Variants in GSE1 observed in about 807,000 individuals in gnomAD.
The protein encoded by GSE1 is genetic suppressor element 1.
In GSE1, 32 loss-of-function variants were observed where a neutral mutation model predicts 112.6. That is an observed-to-expected ratio of 0.28 (90% CI 0.21 to 0.38). The LOEUF (loss-of-function observed/expected upper bound fraction) is 0.38. Ranked by LOEUF, GSE1 falls within the 10% of genes least tolerant of loss-of-function variation. GSE1 has a pLI of 1.00. For missense variants in GSE1, 2,348 were observed against 1,699.2 expected (o/e 1.38, Z -6.71); for synonymous variants, 1,115 against 735.6 (o/e 1.52, Z -8.35).
intron 1 of GSE1, among the ~76,000 whole-genome samples, chr16:85,255,869 G>A (rs550017656): frequency 1.2e-3 from 176 of 151,810 alleles, no homozygotes; most frequent in Non-Finnish European, 3.7e-4. Flanking sequence ...TTAAATTTTT[G>A]TAGAGATGGG....
intron 1 of GSE1, among the ~76,000 whole-genome samples, chr16:85,188,969 G>C (rs932323166): frequency 1.3e-5 from 2 of 152,122 alleles, no homozygotes; most frequent in Non-Finnish European, 2.9e-5. Flanking sequence ...GCTTTTATCA[G>C]ACTTGCTGTG....
intron 2 of GSE1, among the ~76,000 whole-genome samples, chr16:85,492,546 G>A (rs190115107): frequency 6.6e-6 from 1 of 152,326 alleles, no homozygotes; most frequent in East Asian, 1.9e-4. Flanking sequence ...ATGAGGGGAG[G>A]TACTTTCATA....
chr16:85,604,763 A>ATATATATATATATATATATATATATATAT, intron 1 of GSE1, among the ~76,000 whole-genome samples: 1 of 5,972 alleles, frequency 1.7e-4, no homozygotes, highest in Non-Finnish European at 2.9e-4. Flanking sequence ...AAAAAAAAAA[A>ATATATATATATATATATATATATATATAT]AAAAAAAAAA....
chr16:85,174,159 GT>G lies in GSE1; in HGVS notation c.2283+2354del, dbSNP rs533940148. On this transcript the variant is annotated intron_variant, in intron 1 of 2. Transcript: ENST00000637419. ...ACAGGCCCAGAAGCAGGGGTGACCT[GT>G]TCAGCCTCCGTGGGCGGGAGGTGCC... Among the ~76,000 whole-genome samples, 35 of 152,314 alleles carry G rather than the reference GT, an allele frequency of 2.3e-4. No homozygotes were observed. In the East Asian group the frequency reaches 6.4e-3, roughly 28 times the overall value.
intron 1 of GSE1, among the ~76,000 whole-genome samples, chr16:85,563,347 A>G (rs1281803579): frequency 6.6e-6 from 1 of 152,178 alleles, no homozygotes; most frequent in African/African-American, 2.4e-5. Context: ...AGGAAAAAAA[A>G]TCAGTGAGAA....
chr16:85,606,966 C>A (rs966781188), upstream of GSE1, among the ~76,000 whole-genome samples: 3 of 149,444 alleles, frequency 2.0e-5, no homozygotes, highest in Non-Finnish European at 4.4e-5. Flanking sequence ...GCAAATATTT[C>A]TTTTATAGAT....
At chr16:85,443,129 A>C (rs75842164) in intron 2 of GSE1, among the ~76,000 whole-genome samples, 7,330 of 152,286 alleles carry the variant, frequency 0.048, 604 homozygotes, top group African/African-American at 0.17. Context: ...GTAAGGTCCT[A>C]GCCTAAGGTT....
chr16:85,478,927 C>CTTTCCTTTCTTTCTT (rs1285190496), intron 2 of GSE1, among the ~76,000 whole-genome samples: 2 of 28,046 alleles, frequency 7.1e-5, no homozygotes, highest in African/African-American at 3.1e-4. Flanking sequence ...TTCTTTCTTT[C>CTTTCCTTTCTTTCTT]TCTTTCTTTC....
At chr16:85,574,508 G>A (rs1048183858) in intron 1 of GSE1, among the ~76,000 whole-genome samples, 7 of 152,176 alleles carry the variant, frequency 4.6e-5, no homozygotes, top group Non-Finnish European at 7.3e-5. Context: ...TGTCCCTTCC[G>A]CCTCGGACGA....
chr16:85,648,540 TCTC>T lies in GSE1; in HGVS notation c.227-7_227-5del, dbSNP rs761012358. On this transcript the variant is annotated splice_polypyrimidine_tract_variant and intron_variant, in intron 2 of 15. Transcript: ENST00000253458. ...GCGGCTCCCACTCAGGCCACCGTCTTCTCCTCCACAGGGTCCTCACTGAGCAGC... is the reference window on the plus strand; with the variant it reads ...GCGGCTCCCACTCAGGCCACCGTCTTCTCCACAGGGTCCTCACTGAGCAGC... The T allele has an allele frequency of 4.4e-5, 65 of 1,469,650 alleles. No homozygotes were observed. The highest frequency in any genetic ancestry group is 1.8e-4 in the Middle Eastern group (1 of 5,534). 91.0% of individuals were successfully genotyped at this position (1,469,650 alleles called of 1,614,324 possible).
At chr16:85,567,121 G>A (rs1336214121) in intron 1 of GSE1, among the ~76,000 whole-genome samples, 2 of 140,166 alleles carry the variant, frequency 1.4e-5, no homozygotes, top group Non-Finnish European at 1.6e-5. Flanking sequence ...GATTTCAACC[G>A]CCTGTGCTGT....
chr16:85,376,030 C>T (rs1410336651), intron 2 of GSE1, among the ~76,000 whole-genome samples: 1 of 152,060 alleles, frequency 6.6e-6, no homozygotes, highest in Non-Finnish European at 1.5e-5. Flanking sequence ...CCCCACACTC[C>T]AACTTGGCCT....
At chr16:85,604,772 A>ATT (rs2047616608) in intron 1 of GSE1, among the ~76,000 whole-genome samples, 1 of 870 alleles carries the variant, frequency 1.1e-3, no homozygotes, top group African/African-American at 4.5e-3. Flanking sequence ...AAAAAAAAAA[A>ATT]AAATATATAT....
At chr16:85,614,022 C>T (rs1176107952) in intron 1 of GSE1, among the ~76,000 whole-genome samples, 1 of 151,724 alleles carries the variant, frequency 6.6e-6, no homozygotes, top group East Asian at 1.9e-4. Context: ...GAAGGGCGCG[C>T]CCCGGGCTCG....
At chr16:85,486,871 G>A (rs1393645563) in intron 2 of GSE1, among the ~76,000 whole-genome samples, 5 of 152,238 alleles carry the variant, frequency 3.3e-5, no homozygotes, top group Admixed American at 3.3e-4. Context: ...GCATTTCTTG[G>A]GATGAGTTTA....
intron 1 of GSE1, among the ~76,000 whole-genome samples, chr16:85,268,214 C>G (rs1289865437): frequency 3.6e-5 from 5 of 140,462 alleles, no homozygotes; most frequent in Non-Finnish European, 7.5e-5. Context: ...CTCTGAGGCC[C>G]TGGTACTGGC....
chr16:85,448,604 G>A (rs1167117946), intron 2 of GSE1, among the ~76,000 whole-genome samples: 1 of 152,212 alleles, frequency 6.6e-6, no homozygotes, highest in South Asian at 2.1e-4. Context: ...CGACCCTGTG[G>A]CCATTTCCTG....
chr16:85,171,740 G>T (rs2074361656), exon 1 of GSE1: 1 of 985,670 alleles, frequency 1.0e-6, no homozygotes, highest in South Asian at 4.7e-5. Flanking sequence ...ACCCTGGTGT[G>T]TGCGGGCCAA....
chr16:85,578,962 G>A (rs1293036275), intron 1 of GSE1, among the ~76,000 whole-genome samples: 2 of 151,994 alleles, frequency 1.3e-5, no homozygotes, highest in South Asian at 2.1e-4. Flanking sequence ...TGTTCTCTGT[G>A]GCATCCTGAT....
Sources: gnomAD v4.1 joint callset for allele counts (sites outside exome capture counted in the v4.1 genomes callset) on GRCh38, gnomAD v4.1.1 for gene constraint, MANE v1.5 for transcripts, NCBI Gene and HGNC (gene_info 2026-07-23, HGNC 2026-07-21) for gene names.